Variants in DGKI observed in about 807,000 individuals in gnomAD.
The protein encoded by DGKI is DAG kinase iota.
Under a neutral mutation model 147.5 loss-of-function variants are expected in DGKI, and 55 were observed. That is an observed-to-expected ratio of 0.37 (90% CI 0.30 to 0.47). DGKI has a LOEUF of 0.47. DGKI is among the 20% of genes least tolerant of loss of function. DGKI has a pLI of 1.00. For missense variants in DGKI, 1,007 were observed against 1,323.8 expected (o/e 0.76, Z 3.71); for synonymous variants, 469 against 477.1 (o/e 0.98, Z 0.22).
At chr7:137,838,755 T>A (rs1798461977) in intron 1 of DGKI, among the ~76,000 whole-genome samples, 1 of 152,238 alleles carries the variant, frequency 6.6e-6, no homozygotes, top group Admixed American at 6.5e-5. Flanking sequence ...CAACAAATAT[T>A]TAATAACCAT....
chr7:137,784,389 G>C (rs1288136673), intron 1 of DGKI, among the ~76,000 whole-genome samples: 1 of 152,044 alleles, frequency 6.6e-6, no homozygotes, highest in Non-Finnish European at 1.5e-5. Context: ...GGACATTATA[G>C]AATGATAAAA....
At chr7:137,761,963 C>T (rs1382261529) in intron 1 of DGKI, among the ~76,000 whole-genome samples, 3 of 152,204 alleles carry the variant, frequency 2.0e-5, no homozygotes, top group African/African-American at 7.2e-5. Context: ...CGTCCTCATC[C>T]CTCATTTTCT....
At chr7:137,616,818 T>C (rs961591107) in intron 8 of DGKI, among the ~76,000 whole-genome samples, 2 of 152,066 alleles carry the variant, frequency 1.3e-5, no homozygotes, top group African/African-American at 4.8e-5. Context: ...AACTTACAAA[T>C]AAAGGCAAAT....
At chr7:137,802,172 G>A (rs1185920926) in intron 1 of DGKI, among the ~76,000 whole-genome samples, 1 of 152,112 alleles carries the variant, frequency 6.6e-6, no homozygotes, top group African/African-American at 2.4e-5. Flanking sequence ...TGTTCTCTAA[G>A]TGGAAGCTAA....
chr7:137,595,932 G>A (rs541230058), intron 12 of DGKI, among the ~76,000 whole-genome samples: 202 of 145,654 alleles, frequency 1.4e-3, no homozygotes, highest in Middle Eastern at 7.7e-3. Context: ...AACCTGGGAG[G>A]CAGAGGTTGC....
chr7:137,768,646 G>A (rs545794081), intron 1 of DGKI, among the ~76,000 whole-genome samples: 2 of 152,282 alleles, frequency 1.3e-5, no homozygotes, highest in South Asian at 4.1e-4. Context: ...GCAGAATCAC[G>A]CTGTGCCTCA....
At chr7:137,486,179 CTCTT>C (rs1815550673) in intron 22 of DGKI, among the ~76,000 whole-genome samples, 2 of 152,064 alleles carry the variant, frequency 1.3e-5, no homozygotes, top group East Asian at 3.9e-4. Context: ...AAAATTTTTC[CTCTT>C]TATTTGTTGA....
rs558839821 is a variant in DGKI, at chr7:137,798,340, C to T, written c.401+48122G>A. 1.4e-4 allele frequency among the ~76,000 whole-genome samples: 21 copies of T among 152,298 alleles called. No homozygotes were observed. The East Asian group carries it at 1.5e-3, about 11-fold the overall frequency. On this transcript the variant is annotated intron_variant, in intron 1 of 32. Coordinates refer to ENST00000614521, the MANE Select transcript of DGKI (RefSeq NM_001321708.2). ...AAGGAAAACCTTTCAACCTACTCTA[C>T]GTGGCCAGTATTATCATGATCTTAA...
chr7:137,846,455 C>CACCT lies in DGKI; in HGVS notation c.401+3_401+6dup. 8 of 1,584,050 alleles carry CACCT rather than the reference C, an allele frequency of 5.1e-6. No individual in the cohort carries two copies. In the Admixed American group the frequency reaches 1.0e-4, roughly 20 times the overall value. On this transcript the variant is annotated splice_region_variant and intron_variant, in intron 1 of 32. Coordinates refer to ENST00000614521, the MANE Select transcript of DGKI (RefSeq NM_001321708.2). The surrounding 1 kb of genome is among the most constrained non-coding windows in gnomAD (Gnocchi z 4.0). The stretch of plus-strand genomic sequence containing the variant: ...ACCTGTCTCGGCTGCCGGCTCCCCG[C>CACCT]ACCTACCTGTACGAGACCTGCTTCC...
chr7:137,662,265 C>CA (rs1385193504), intron 3 of DGKI, among the ~76,000 whole-genome samples: 1 of 129,028 alleles, frequency 7.8e-6, no homozygotes, highest in Non-Finnish European at 1.6e-5. Context: ...TTTTTCGAGA[C>CA]AGAGTCTCAC....
intron 1 of DGKI, among the ~76,000 whole-genome samples, chr7:137,768,241 T>C (rs967714241): frequency 6.6e-6 from 1 of 152,164 alleles, no homozygotes; most frequent in African/African-American, 2.4e-5. Flanking sequence ...ACAGATAATG[T>C]CTACAATTGG....
Position 137,846,787 on chromosome 7 carries a change from C to T in DGKI, c.76G>A (p.Ala26Thr), listed in dbSNP as rs1384073331. ...ARGPARAPAAAAAAAASPPGP... is the reference protein window; with the variant it reads ...ARGPARAPAATAAAAASPPGP... ...GGCGGGCTGGCGGCGGCGGCGGCGG[C>T]GGCTGCAGGAGCGCGGGCAGGTCCG... Residue 26 changes from alanine to threonine, a missense_variant, in exon 1 of 33, where the codon GCC (alanine) becomes ACC (threonine). Coordinates refer to ENST00000614521, the MANE Select transcript of DGKI (RefSeq NM_001321708.2). The surrounding 1 kb of genome is among the most constrained non-coding windows in gnomAD (Gnocchi z 4.0). 9.1e-7 allele frequency: 1 copy of T among 1,097,204 alleles called. No homozygotes were observed. Among genetic ancestry groups the T allele is most frequent in the Non-Finnish European group, 1.1e-6 (1 of 902,862 alleles). 68.0% of individuals were successfully genotyped at this position (1,097,204 alleles called of 1,614,324 possible). A position where few individuals can be genotyped will look rare whatever the true frequency, so the allele number is the denominator to read the frequency against.
intron 1 of DGKI, among the ~76,000 whole-genome samples, chr7:137,822,357 AG>A (rs1384535640): frequency 3.9e-5 from 6 of 152,148 alleles, no homozygotes; most frequent in Non-Finnish European, 8.8e-5. Flanking sequence ...CAGTGAGCCG[AG>A]ATCACTCCCC....
chr7:137,814,903 C>T (rs1275296060), intron 1 of DGKI, among the ~76,000 whole-genome samples: 1 of 152,120 alleles, frequency 6.6e-6, no homozygotes, highest in Non-Finnish European at 1.5e-5. Flanking sequence ...AGAAAATACA[C>T]TCCTTCAGCA....
In DGKI at chr7:137,623,546, C is replaced by A. The variant is rs1287409181; in HGVS notation, c.813G>T (p.Gln271His). Residue 271 changes from glutamine (Q) to histidine (H), a missense_variant, in exon 7 of 33, where the codon CAG (glutamine) becomes CAT (histidine). Gln to His is a conservative substitution (Grantham distance 24, BLOSUM62 0). Coordinates refer to ENST00000614521, the MANE Select transcript of DGKI (RefSeq NM_001321708.2). ...GKCKQCGKGF[Q>H]QKFSFHSKEI... ...CTTTACTGTGGAAGGAGAACTTTTG[C>A]TGGAAGCCCTGGGATATTAGAACAA... is the stretch of plus-strand genomic sequence containing the variant. 1 of 1,613,914 alleles carries A rather than the reference C, an allele frequency of 6.2e-7. No individual in the cohort carries two copies. Among genetic ancestry groups the A allele is most frequent in the Admixed American group, 1.7e-5 (1 of 60,018 alleles).
intron 23 of DGKI, among the ~76,000 whole-genome samples, chr7:137,473,363 G>A (rs912162853): frequency 2.6e-5 from 4 of 152,000 alleles, no homozygotes; most frequent in Non-Finnish European, 5.9e-5. Flanking sequence ...ACTTTAATGG[G>A]TCCTCAAATA....
In DGKI at chr7:137,530,221, C is replaced by A. The variant is rs143711488; in HGVS notation, c.2148-8255G>T. 6.5e-3 allele frequency among the ~76,000 whole-genome samples: 988 copies of A among 152,296 alleles called. 14 individuals carry two copies. Among genetic ancestry groups the A allele is most frequent in the African/African-American group, 0.022 (927 of 41,572 alleles). On this transcript the variant is annotated intron_variant, in intron 20 of 32. Coordinates refer to ENST00000614521, the MANE Select transcript of DGKI (RefSeq NM_001321708.2). ...TTCACCTGACTTCACTTTTCAGTAG[C>A]CTTCCACACTGTGGTTAACTCCCTG...
intron 3 of DGKI, among the ~76,000 whole-genome samples, chr7:137,672,765 T>TC: frequency 8.3e-6 from 1 of 120,430 alleles, no homozygotes; most frequent in African/African-American, 3.5e-5. Context: ...TCTCTGTGTG[T>TC]CTTTTTTTTT....
At position 137,587,116 on chromosome 7, in the gene DGKI, C is replaced by T; in HGVS notation, c.1406G>A (p.Arg469Gln). 2 of 1,607,282 alleles carry T rather than the reference C, an allele frequency of 1.2e-6. No homozygotes were observed. Among genetic ancestry groups the T allele is most frequent in the Non-Finnish European group, 1.7e-6 (2 of 1,177,684 alleles). The part of the protein sequence containing the change: ...LPLGTGNDLA[R>Q]TLNWGGGYTD... ...TCTTACCCCTCCCCAGTTGAGAGTT[C>T]GAGCCAGGTCATTCCCAGTCCCCAG... Residue 469 changes from arginine to glutamine, a missense_variant, in exon 13 of 33, where the codon CGA (arginine) becomes CAA (glutamine). Coordinates refer to ENST00000614521, the MANE Select transcript of DGKI (RefSeq NM_001321708.2).
Sources: allele counts gnomAD v4.1 joint callset (sites outside exome capture counted in the v4.1 genomes callset), GRCh38; gene constraint gnomAD v4.1.1; non-coding constraint Gnocchi (gnomAD v3.1); transcripts MANE v1.5; gene names NCBI Gene and HGNC (gene_info 2026-07-23, HGNC 2026-07-21).